USP50: variants seen among roughly 807,000 people sequenced by gnomAD.
USP50 encodes the protein ubiquitin specific peptidase 50, also known as ubiquitin carboxyl-terminal hydrolase 50.
A neutral mutation model predicts 39.2 loss-of-function variants in USP50; 37 were observed. The observed-to-expected ratio is 0.94, with a 90% confidence interval of 0.73 to 1.24. USP50 has a LOEUF of 1.24. Among genes scored for constraint, USP50 ranks in the 50% most tolerant of loss-of-function variants. USP50 has a pLI of 0.00. For missense variants in USP50, 374 were observed against 398.2 expected (o/e 0.94, Z 0.52); for synonymous variants, 139 against 144.5 (o/e 0.96, Z 0.27).
downstream of USP50, chr15:50,493,463 A>G (rs1199559724): frequency 2.1e-5 from 11 of 518,970 alleles, no homozygotes; most frequent in Non-Finnish European, 3.8e-5. Context: ...ATCCTTAGGA[A>G]TAATGAAGGC....
chr15:50,524,736 T>G (rs1302278819), intron 6 of USP50, among the ~76,000 whole-genome samples: 1 of 152,166 alleles, frequency 6.6e-6, no homozygotes, highest in Non-Finnish European at 1.5e-5. Flanking sequence ...AAGCCAGGTG[T>G]GGTAACACAT....
At chr15:50,545,350 T>C (rs2053062935) in intron 1 of USP50, among the ~76,000 whole-genome samples, 1 of 151,994 alleles carries the variant, frequency 6.6e-6, no homozygotes, top group Non-Finnish European at 1.5e-5. Context: ...CGATTATTTT[T>C]ACATCCCATT....
chr15:50,494,044 T>G, exon 2 of USP50: 3 of 1,592,242 alleles, frequency 1.9e-6, no homozygotes, highest in Non-Finnish European at 2.6e-6. Flanking sequence ...CTTTATTGTC[T>G]TTTGTAACAA....
chr15:50,506,316 T>G (rs2052657654), intron 6 of USP50: 1 of 152,312 alleles, frequency 6.6e-6, no homozygotes, highest in African/African-American at 2.4e-5. Context: ...TCAGATCAGC[T>G]GCTGCATTAG....
At chr15:50,509,631 G>C (rs2141350239) in intron 6 of USP50, 1 of 152,246 alleles carries the variant, frequency 6.6e-6, no homozygotes, top group South Asian at 2.1e-4. Flanking sequence ...CTGGGCGACA[G>C]AGCGAGACTG....
rs374759665 is a variant in USP50 at position 50,546,518 on chromosome 15, G to C, written c.8C>G (p.Ser3Cys). 3 of 1,613,654 alleles carry C rather than the reference G, an allele frequency of 1.9e-6. No individual in the cohort carries two copies. The highest frequency in any genetic ancestry group is 2.5e-6 in the Non-Finnish European group (3 of 1,179,610). Reference protein sequence around the residue: MTSQPSLPADDFD... With the variant: MTCQPSLPADDFD... ...GTCATCTGCAGGGAGAGACGGCTGAGAAGTCATTTTAATGGAACCACGTTG... is the reference window on the plus strand; with the variant it reads ...GTCATCTGCAGGGAGAGACGGCTGACAAGTCATTTTAATGGAACCACGTTG... Residue 3 changes from serine (S) to cysteine (C), a missense_variant, in exon 1 of 7, where the codon TCT becomes TGT. Transcript: ENST00000532404.
At position 50,500,667 on chromosome 15, in the gene USP50, T is replaced by C. The variant is rs1456066902; in HGVS notation, c.*102A>G. On this transcript the variant is annotated 3_prime_UTR_variant, in exon 7 of 7. Coordinates refer to ENST00000532404, the MANE Select transcript of USP50 (RefSeq NM_203494.5). Reference sequence around the variant, plus strand: ...ATTTTCCTGGCTCTTAACGCTTTTGTATTGGTATGGAAAAGGGCTGGCAGC... The same window carrying C: ...ATTTTCCTGGCTCTTAACGCTTTTGCATTGGTATGGAAAAGGGCTGGCAGC... 16 of 1,140,530 alleles carry C rather than the reference T, an allele frequency of 1.4e-5. No homozygotes were observed. The highest frequency in any genetic ancestry group is 2.1e-5 in the Non-Finnish European group (16 of 779,798). The allele number at this position is 1,140,530 out of a possible 1,614,324, so 70.7% of individuals were successfully genotyped here. A position where few individuals can be genotyped will look rare whatever the true frequency, so the allele number is the denominator to read the frequency against.
intron 6 of USP50, chr15:50,502,900 C>A (rs1028647420): frequency 6.6e-6 from 1 of 152,238 alleles, no homozygotes; most frequent in South Asian, 2.1e-4. Flanking sequence ...AATTTCTCAT[C>A]TATTAACATG....
intron 2 of USP50, among the ~76,000 whole-genome samples, 197 bp downstream of exon 2, chr15:50,544,390 T>G (rs1250021502): frequency 2.0e-5 from 3 of 146,484 alleles, no homozygotes; most frequent in Non-Finnish European, 4.5e-5. Context: ...AAATAAAAAA[T>G]AAAAAAAAAA....
downstream of USP50, chr15:50,500,418 T>C (rs971214110): frequency 1.2e-4 from 21 of 179,032 alleles, no homozygotes; most frequent in Admixed American, 1.1e-3. Flanking sequence ...TGCAGTGTTT[T>C]GAAGGCCTGC....
intron 5 of USP50, among the ~76,000 whole-genome samples, chr15:50,530,539 G>A (rs1404841239): frequency 6.6e-6 from 1 of 151,688 alleles, no homozygotes; most frequent in East Asian, 1.9e-4. Flanking sequence ...AGCTGAGATC[G>A]CACCACTGCA....
intron 6 of USP50, among the ~76,000 whole-genome samples, chr15:50,515,162 C>T (rs1297530079): frequency 6.6e-6 from 1 of 151,848 alleles, no homozygotes; most frequent in African/African-American, 2.4e-5. Flanking sequence ...ACCAGATTTT[C>T]AAGAAACAGA....
At chr15:50,541,502 G>A (rs2053029938) in intron 3 of USP50, among the ~76,000 whole-genome samples, 1 of 151,884 alleles carries the variant, frequency 6.6e-6, no homozygotes, top group Non-Finnish European at 1.5e-5. Context: ...GACAGAGTGA[G>A]ACCATGTTTC....
chr15:50,531,699 G>A (rs1451210659), intron 5 of USP50, among the ~76,000 whole-genome samples: 1 of 152,080 alleles, frequency 6.6e-6, no homozygotes, highest in Non-Finnish European at 1.5e-5. Context: ...ATAAACTAAT[G>A]GGGCCCCAGG....
intron 6 of USP50, among the ~76,000 whole-genome samples, chr15:50,527,502 C>T (rs77466356): frequency 0.025 from 3,802 of 151,942 alleles, 188 homozygotes; most frequent in African/African-American, 0.088. Flanking sequence ...CCACCATGCC[C>T]GGCCTGAGAT....
intron 6 of USP50, chr15:50,505,615 A>G (rs1282329048): frequency 6.6e-6 from 1 of 152,246 alleles, no homozygotes; most frequent in Non-Finnish European, 1.5e-5. Flanking sequence ...ATATAACCCA[A>G]TATGAACAGT....
intron 5 of USP50, among the ~76,000 whole-genome samples, chr15:50,532,453 C>G (rs1190918901): frequency 3.3e-5 from 5 of 152,104 alleles, no homozygotes; most frequent in African/African-American, 4.8e-5. Flanking sequence ...AGTTCGTAGT[C>G]TGGAGGCTGA....
intron 5 of USP50, among the ~76,000 whole-genome samples, chr15:50,532,621 G>C (rs1027209487): frequency 6.6e-6 from 1 of 152,080 alleles, no homozygotes; most frequent in South Asian, 2.1e-4. Flanking sequence ...ATACTAAAAG[G>C]CAAAACACAC....
intron 3 of USP50, 74 bp from the exon 4 acceptor site, chr15:50,541,338 C>A (rs1040397898): frequency 7.5e-7 from 1 of 1,326,534 alleles, no homozygotes; most frequent in African/African-American, 1.5e-5. Flanking sequence ...ATGGTGAGAT[C>A]CCATCTCTAC....
Sources: allele counts gnomAD v4.1 joint callset (sites outside exome capture counted in the v4.1 genomes callset), GRCh38; gene constraint gnomAD v4.1.1; transcripts MANE v1.5; gene names NCBI Gene and HGNC (gene_info 2026-07-23, HGNC 2026-07-21).